The following DNAH7 variants were observed in gnomAD, a reference collection of about 807,000 sequenced individuals.
DNAH7 encodes dynein axonemal heavy chain 7.
DNAH7 carries 397 observed loss-of-function variants against 444.6 expected under a neutral mutation model. The ratio of observed to expected loss-of-function variants is 0.89; its 90% CI spans 0.82 to 0.97. DNAH7 has a LOEUF of 0.97. Among genes scored for constraint, DNAH7 ranks in the 50% least tolerant of loss-of-function variants. DNAH7 has a pLI of 0.00. For missense variants in DNAH7, 4,902 were observed against 4,800.8 expected (o/e 1.02, Z -0.62); for synonymous variants, 1,636 against 1,624.4 (o/e 1.01, Z -0.17).
intron 37 of DNAH7, 53 bp from the exon 38 acceptor site, chr2:195,875,896 T>A (rs1470077722): frequency 1.3e-6 from 2 of 1,504,488 alleles, no homozygotes; most frequent in Non-Finnish European, 1.8e-6. Flanking sequence ...CAACATACAG[T>A]CCTATTGTGT....
At chr2:196,029,016 AATAG>A (rs917603859) in intron 5 of DNAH7, among the ~76,000 whole-genome samples, 3 of 152,242 alleles carry the variant, frequency 2.0e-5, no homozygotes, top group South Asian at 2.1e-4. Context: ...AGTTTAATTC[AATAG>A]ATAGCTAGTG....
At chr2:196,042,623 G>A (rs1317954117) in intron 5 of DNAH7, among the ~76,000 whole-genome samples, 1 of 151,994 alleles carries the variant, frequency 6.6e-6, no homozygotes, top group Non-Finnish European at 1.5e-5. Context: ...TAGTCATTAG[G>A]GAAATCAACT....
At chr2:195,809,679 A>C (rs1262571603) in intron 52 of DNAH7, 66 bp downstream of exon 52, 1 of 1,357,470 alleles carries the variant, frequency 7.4e-7, no homozygotes, top group African/African-American at 1.5e-5. Context: ...ATTCCCATAC[A>C]AATTAATAAA....
intron 1 of DNAH7, among the ~76,000 whole-genome samples, chr2:196,059,165 A>AT (rs139281072): frequency 1.6e-4 from 24 of 150,318 alleles, no homozygotes; most frequent in Middle Eastern, 6.8e-3. Flanking sequence ...TAAAACTTCA[A>AT]TTTTTTTTTT....
intron 58 of DNAH7, among the ~76,000 whole-genome samples, chr2:195,783,222 C>T (rs1220075433): frequency 6.6e-6 from 1 of 152,170 alleles, no homozygotes. Flanking sequence ...CTACCATGTT[C>T]CCTAATCTTG....
At chr2:195,963,391 T>C (rs1388332764) in intron 17 of DNAH7, among the ~76,000 whole-genome samples, 1 of 152,226 alleles carries the variant, frequency 6.6e-6, no homozygotes, top group Non-Finnish European at 1.5e-5. Context: ...AAATGTCTAT[T>C]TGCCATTTGT....
chr2:195,796,678 A>G lies in DNAH7; in HGVS notation c.10413T>C (p.Ala3471=). 3 of 1,614,188 alleles carry G rather than the reference A, an allele frequency of 1.9e-6. No individual in the cohort carries two copies. The highest frequency in any genetic ancestry group is 2.2e-5 in the South Asian group (2 of 91,078). ...TGACAGCTTTTTCTAACATCTTCAT[A>G]GCAATGGGCCCTTGGCCTTGACCAA... The part of the protein sequence containing the change: ...LSLGQGQGPI[A]MKMLEKAVKE... The change falls in exon 56 of 65, where the codon GCT becomes GCC. Residue 3471 remains alanine (A), a synonymous_variant. Coordinates refer to ENST00000312428, the MANE Select transcript of DNAH7 (RefSeq NM_018897.3).
chr2:195,855,392 C>T (rs1444693010), intron 45 of DNAH7, among the ~76,000 whole-genome samples: 2 of 152,074 alleles, frequency 1.3e-5, no homozygotes, highest in South Asian at 2.1e-4. Flanking sequence ...ATACAACCTA[C>T]GTCACTTAAC....
chr2:195,934,652 C>T lies in DNAH7; in HGVS notation c.3410G>A (p.Arg1137Lys). 6.2e-7 allele frequency: 1 copy of T among 1,614,122 alleles called. No individual in the cohort carries two copies. The highest frequency in any genetic ancestry group is 1.7e-5 in the Admixed American group (1 of 60,006). ...AACCAACCACTTCTCCACTTGACCT[C>T]TGGCTTTGGCTGTTGAAATAATCTC... ...LIEIISTAKA[R>K]GQVEKWLVEL... Residue 1137 changes from arginine (R) to lysine (K), a missense_variant, in exon 21 of 65, where the codon AGA (arginine) becomes AAA (lysine). Coordinates refer to ENST00000312428, the MANE Select transcript of DNAH7 (RefSeq NM_018897.3).
At chr2:196,001,954 T>C (rs1694063864) in intron 10 of DNAH7, 96 bp from the exon 11 acceptor site, 2 of 968,146 alleles carry the variant, frequency 2.1e-6, no homozygotes, top group East Asian at 5.4e-5. Flanking sequence ...TCTAAAGGTC[T>C]TCATAGAGAA....
At chr2:195,882,484 A>G (rs1169220784) in intron 35 of DNAH7, among the ~76,000 whole-genome samples, 1 of 152,222 alleles carries the variant, frequency 6.6e-6, no homozygotes. Flanking sequence ...AAAAATATAT[A>G]AAATTTACCC....
chr2:195,887,404 A>G (rs1701767766), intron 33 of DNAH7, among the ~76,000 whole-genome samples: 1 of 151,856 alleles, frequency 6.6e-6, no homozygotes, highest in African/African-American at 2.4e-5. Flanking sequence ...AGGGTGGAAG[A>G]CACATCACTT....
chr2:195,910,070 C>A lies in DNAH7; in HGVS notation c.4061G>T (p.Cys1354Phe). Reference protein sequence around the residue: ...AVAKQCVVFNCSDGLDYLALG... With the variant: ...AVAKQCVVFNFSDGLDYLALG... ...AGCCAAATAATCCAACCCATCAGAGCAGTTGAAAACAACACATTGTTTGGC... is the reference window on the plus strand; with the variant it reads ...AGCCAAATAATCCAACCCATCAGAGAAGTTGAAAACAACACATTGTTTGGC... The change falls in exon 25 of 65, where the codon TGC becomes TTC. Residue 1354 changes from cysteine (C) to phenylalanine (F), a missense_variant. Coordinates refer to ENST00000312428, the MANE Select transcript of DNAH7 (RefSeq NM_018897.3). The A allele has an allele frequency of 6.2e-7, 1 of 1,613,754 alleles. No homozygotes were observed. Among genetic ancestry groups the A allele is most frequent in the Non-Finnish European group, 8.5e-7 (1 of 1,179,792 alleles).
intron 40 of DNAH7, among the ~76,000 whole-genome samples, chr2:195,871,301 C>T (rs973846171): frequency 6.6e-6 from 1 of 152,084 alleles, no homozygotes; most frequent in African/African-American, 2.4e-5. Flanking sequence ...TGTTTCTTAA[C>T]TGCATATTAA....
Position 195,969,941 on chromosome 2 carries a change from A to T in DNAH7, c.2205+7T>A. ...AATTCATCTTTTTAAGAATTTTTGA[A>T]TTATACCTTATCTGCAGCTAAATCC... is the stretch of plus-strand genomic sequence containing the variant. On this transcript the variant is annotated splice_region_variant and intron_variant, in intron 17 of 64. Coordinates refer to ENST00000312428, the MANE Select transcript of DNAH7 (RefSeq NM_018897.3). 1.3e-6 allele frequency: 2 copies of T among 1,598,552 alleles called. No individual in the cohort carries two copies. Among genetic ancestry groups the T allele is most frequent in the Non-Finnish European group, 1.7e-6 (2 of 1,176,130 alleles).
chr2:196,024,664 T>C (rs1238508587), intron 7 of DNAH7, among the ~76,000 whole-genome samples, 160 bp from the exon 8 acceptor site: 1 of 152,166 alleles, frequency 6.6e-6, no homozygotes, highest in African/African-American at 2.4e-5. Context: ...AGAAAATTTT[T>C]AAAACCTTAC....
chr2:195,816,627 C>A lies in DNAH7; in HGVS notation c.9761+1G>T, dbSNP rs1482052606. The A allele has an allele frequency of 3.1e-6, 5 of 1,608,836 alleles. No homozygotes were observed. The highest frequency in any genetic ancestry group is 1.3e-5 in the African/African-American group (1 of 74,664). ...TATTAACTAGTATTTCCTTTACATA[C>A]CTTTTTGCCAAAATTTCTGATTTCT... On this transcript the variant is annotated splice_donor_variant, in intron 51 of 64. Transcript: ENST00000312428. LOFTEE classifies it high-confidence loss of function.
At chr2:195,993,304 A>G (rs1693471293) in intron 12 of DNAH7, among the ~76,000 whole-genome samples, 1 of 152,214 alleles carries the variant, frequency 6.6e-6, no homozygotes, top group South Asian at 2.1e-4. Flanking sequence ...TAGATGTTCT[A>G]ATCAGGAGAG....
chr2:196,056,743 C>T (rs1276075859), intron 2 of DNAH7, among the ~76,000 whole-genome samples: 1 of 152,184 alleles, frequency 6.6e-6, no homozygotes, highest in Non-Finnish European at 1.5e-5. Flanking sequence ...CTTCTTCCTA[C>T]TTTTACTCTC....
Sources: gnomAD v4.1 joint callset for allele counts (sites outside exome capture counted in the v4.1 genomes callset) on GRCh38, gnomAD v4.1.1 for gene constraint, MANE v1.5 for transcripts, NCBI Gene and HGNC (gene_info 2026-07-23, HGNC 2026-07-21) for gene names.